The following ZBTB1 variants were observed in gnomAD, a reference collection of about 807,000 sequenced individuals.
ZBTB1 encodes zinc finger and BTB domain-containing protein 1.
In ZBTB1, 13 loss-of-function variants were observed where a neutral mutation model predicts 51.6. That is an observed-to-expected ratio of 0.25 (90% confidence interval 0.16 to 0.40). The LOEUF (loss-of-function observed/expected upper bound fraction) is 0.40, where lower values mean the gene tolerates loss of function less well. ZBTB1 is among the 10% of genes least tolerant of loss of function. ZBTB1 has a pLI of 1.00. For synonymous variants in ZBTB1, 240 were observed against 282.2 expected (o/e 0.85, Z 1.50); for missense variants, 567 against 856.5 (o/e 0.66, Z 4.22).
downstream of ZBTB1, among the ~76,000 whole-genome samples, chr14:64,526,786 A>G (rs1484808796): frequency 6.6e-6 from 1 of 152,166 alleles, no homozygotes; most frequent in African/African-American, 2.4e-5. Context: ...TTGCATCTGT[A>G]GTTCCGGCTA....
At chr14:64,526,236 AAGTTAAAGAC>A (rs2079903156), downstream of ZBTB1, among the ~76,000 whole-genome samples, 1 of 152,204 alleles carries the variant, frequency 6.6e-6, no homozygotes, top group East Asian at 1.9e-4. Flanking sequence ...TCAAGGCAAA[AAGTTAAAGAC>A]TACTTGCTTT....
rs2079860602 is a variant in ZBTB1 at position 64,521,594 on chromosome 14, T to C, written c.90T>C (p.Ile30=). 2 of 1,614,212 alleles carry C rather than the reference T, an allele frequency of 1.2e-6. No homozygotes were observed. Among genetic ancestry groups the C allele is most frequent in the Non-Finnish European group, 8.5e-7 (1 of 1,180,038 alleles). The change falls in exon 2 of 2, where the codon ATT becomes ATC. Residue 30 remains isoleucine (I), a synonymous_variant. Transcript: ENST00000683701. The part of the protein sequence containing the change: ...WGFLCDCCIA[I]DDIYFQAHKA... ...TTCTCTGTGACTGCTGTATTGCAAT[T>C]GATGACATTTACTTTCAAGCACACA... is the stretch of plus-strand genomic sequence containing the variant.
chr14:64,532,390 T>A (rs544768707), exon 3 of ZBTB1: 1 of 152,828 alleles, frequency 6.5e-6, no homozygotes, highest in East Asian at 1.9e-4. Flanking sequence ...CAAAAATCTG[T>A]AGTTTAGAGT....
Position 64,522,343 on chromosome 14 carries a change from A to T in ZBTB1, c.839A>T (p.Gln280Leu). 6.2e-7 allele frequency: 1 copy of T among 1,614,220 alleles called. No individual in the cohort carries two copies. Among genetic ancestry groups the T allele is most frequent in the Non-Finnish European group, 8.5e-7 (1 of 1,180,050 alleles). The change falls in exon 2 of 2, where the codon CAG becomes CTG. Residue 280 changes from glutamine to leucine, a missense_variant. Coordinates refer to ENST00000683701, the MANE Select transcript of ZBTB1 (RefSeq NM_001123329.2). ...GATTCTTCCAAAACATTTTCTGCACAGACGGACAAATACAGAGGAGACACA... is the reference window on the plus strand; with the variant it reads ...GATTCTTCCAAAACATTTTCTGCACTGACGGACAAATACAGAGGAGACACA... ...EKDSSKTFSA[Q>L]TDKYRGDTSQ...
Position 64,521,752 on chromosome 14 carries a change from A to G in ZBTB1, c.248A>G (p.Tyr83Cys). Reference sequence around the variant, plus strand: ...TTTGATCTCATTTTGCAGTTTATGTATTTAGGAAAAATTATGACAGCTCCC... The same window carrying G: ...TTTGATCTCATTTTGCAGTTTATGTGTTTAGGAAAAATTATGACAGCTCCC... ...ECFDLILQFMYLGKIMTAPSS... is the reference protein window; with the variant it reads ...ECFDLILQFMCLGKIMTAPSS... Residue 83 changes from tyrosine (Y) to cysteine (C), a missense_variant, in exon 2 of 2, where the codon TAT becomes TGT. Tyr to Cys is a radical substitution (Grantham distance 194). Coordinates refer to ENST00000683701, the MANE Select transcript of ZBTB1 (RefSeq NM_001123329.2). 6.2e-7 allele frequency: 1 copy of G among 1,613,188 alleles called. No homozygotes were observed. The highest frequency in any genetic ancestry group is 8.5e-7 in the Non-Finnish European group (1 of 1,180,036).
In ZBTB1 at chr14:64,522,883, G is replaced by A; in HGVS notation, c.1379G>A (p.Gly460Asp). 6.2e-7 allele frequency: 1 copy of A among 1,614,152 alleles called. No homozygotes were observed. Among genetic ancestry groups the A allele is most frequent in the Non-Finnish European group, 8.5e-7 (1 of 1,180,016 alleles). ...AAATGTGGACAAATACTTGTAAAGG[G>A]TAGGCAGCTTCAGGAACATGCTCAA... is the stretch of plus-strand genomic sequence containing the variant. ...CGKCGQILVK[G>D]RQLQEHAQRC... Residue 460 changes from glycine to aspartate, a missense_variant, in exon 2 of 2, where the codon GGT (glycine) becomes GAT (aspartate). Physicochemically the swap from Gly to Asp is moderately conservative, Grantham distance 94. Around this residue, in one of 5 missense-constraint regions of ZBTB1, gnomAD observed 329 missense variants for 406.3 expected, o/e 0.81. Transcript: ENST00000683701.
chr14:64,505,056 G>T (rs1005753630), intron 1 of ZBTB1, 110 bp downstream of exon 1: 1 of 372,480 alleles, frequency 2.7e-6, no homozygotes, highest in African/African-American at 2.1e-5. Context: ...GATCCGTGCG[G>T]GGAGCCGGAG....
rs966117980 is a variant in ZBTB1 at position 64,524,682 on chromosome 14, AT to A, written c.*1037del. 46 of 985,004 alleles carry A rather than the reference AT, an allele frequency of 4.7e-5. No homozygotes were observed. Among genetic ancestry groups the A allele is most frequent in the Middle Eastern group, 5.2e-4 (1 of 1,936 alleles). The allele number at this position is 985,004 out of a possible 1,614,324, so 61.0% of individuals were successfully genotyped here. Reference sequence around the variant, plus strand: ...CTATAAAAGTAGAGTGCACAAAAAAATGTCTTGTGTTTTATACTGTCTAAGA... The same window carrying A: ...CTATAAAAGTAGAGTGCACAAAAAAAGTCTTGTGTTTTATACTGTCTAAGA... On this transcript the variant is annotated 3_prime_UTR_variant, in exon 2 of 2. Coordinates refer to ENST00000683701, the MANE Select transcript of ZBTB1 (RefSeq NM_001123329.2).
chr14:64,510,794 T>C (rs984419275), intron 1 of ZBTB1, among the ~76,000 whole-genome samples: 1 of 152,184 alleles, frequency 6.6e-6, no homozygotes, highest in African/African-American at 2.4e-5. Flanking sequence ...TGTGATATGA[T>C]TTTTCTTCTT....
rs1282701503 is a variant in ZBTB1, at chr14:64,524,372, A to G, written c.*726A>G. 1.1e-6 allele frequency: 1 copy of G among 875,850 alleles called. No homozygotes were observed. The highest frequency in any genetic ancestry group is 1.4e-6 in the Non-Finnish European group (1 of 730,440). The allele number at this position is 875,850 out of a possible 1,614,324, so 54.3% of individuals were successfully genotyped here. A position where few individuals can be genotyped will look rare whatever the true frequency, so the allele number is the denominator to read the frequency against. On this transcript the variant is annotated 3_prime_UTR_variant, in exon 2 of 2. Coordinates refer to ENST00000683701, the MANE Select transcript of ZBTB1 (RefSeq NM_001123329.2). ...CTTGAAAAATTAGTGGGGATAAGCC[A>G]TTTTGTTTTGTGATATTAAATTTAA...
At chr14:64,533,531 T>C (rs976077570) in exon 3 of ZBTB1, 8 of 152,582 alleles carry the variant, frequency 5.2e-5, no homozygotes, top group Non-Finnish European at 1.2e-4. Context: ...TGTAATGAAT[T>C]ATAATAATTA....
Position 64,522,792 on chromosome 14 carries a change from A to G in ZBTB1, c.1288A>G (p.Ile430Val), listed in dbSNP as rs201881548. ...NASCELCGLT[I>V]TEEDLSSHYL... is the part of the protein sequence containing the mutation. ...ATCTTGTGAGCTGTGTGGACTTACA[A>G]TAACCGAGGAGGACCTGTCATCTCA... Residue 430 changes from isoleucine (I) to valine (V), a missense_variant, in exon 2 of 2, where the codon ATA becomes GTA. By Grantham distance (29) the Ile-to-Val change is conservative. This residue lies in a region of ZBTB1 where 329 missense variants were observed against 406.3 expected (regional missense o/e 0.81). Coordinates refer to ENST00000683701, the MANE Select transcript of ZBTB1 (RefSeq NM_001123329.2). 19 of 1,614,214 alleles carry G rather than the reference A, an allele frequency of 1.2e-5. No homozygotes were observed. The highest frequency in any genetic ancestry group is 8.9e-5 in the East Asian group (4 of 44,886).
downstream of ZBTB1, among the ~76,000 whole-genome samples, chr14:64,527,154 AT>A (rs200286108): frequency 4.3e-3 from 646 of 151,292 alleles, 7 homozygotes; most frequent in South Asian, 0.019. Flanking sequence ...GGGGCTAATA[AT>A]TTAAAAAAAA....
Position 64,522,687 on chromosome 14 carries a change from A to C in ZBTB1, c.1183A>C (p.Ser395Arg), listed in dbSNP as rs1566635845. ...AACTCTAAAACCTCGAATGTCAGTAAGTGCTGATGAAAGAGGTGGTTTAGA... is the reference window on the plus strand; with the variant it reads ...AACTCTAAAACCTCGAATGTCAGTACGTGCTGATGAAAGAGGTGGTTTAGA... The part of the protein sequence containing the change: ...RKTLKPRMSV[S>R]ADERGGLENM... Residue 395 changes from serine to arginine, a missense_variant, in exon 2 of 2, where the codon AGT (serine) becomes CGT (arginine). Physicochemically the swap from Ser to Arg is moderately radical, Grantham distance 110. Transcript: ENST00000683701. The C allele has an allele frequency of 6.2e-7, 1 of 1,614,200 alleles. No individual in the cohort carries two copies. Among genetic ancestry groups the C allele is most frequent in the Non-Finnish European group, 8.5e-7 (1 of 1,180,016 alleles).
chr14:64,505,937 G>A (rs1413493631), intron 1 of ZBTB1, among the ~76,000 whole-genome samples: 1 of 152,192 alleles, frequency 6.6e-6, no homozygotes, highest in South Asian at 2.1e-4. Context: ...TTGAGGCAAC[G>A]TAGGATCAAT....
rs1290064915 is a variant in ZBTB1, at chr14:64,523,094, T to C, written c.1590T>C (p.Ser530=). 5.0e-6 allele frequency: 8 copies of C among 1,614,116 alleles called. No homozygotes were observed. The highest frequency in any genetic ancestry group is 5.9e-6 in the Non-Finnish European group (7 of 1,180,044). Residue 530 remains serine (S), a synonymous_variant, in exon 2 of 2, where the codon TCT becomes TCC. Transcript: ENST00000683701. The surrounding 1 kb of genome is among the most constrained non-coding windows in gnomAD (Gnocchi z 4.5). ...AAAAAAAGCAGTTATTTAAACATTCTGCCTGCCCTTTTCGATGTCCTAATT... is the reference window on the plus strand; with the variant it reads ...AAAAAAAGCAGTTATTTAAACATTCCGCCTGCCCTTTTCGATGTCCTAATT... ...SIQKKQLFKH[S]ACPFRCPNCG...
chr14:64,514,844 A>G (rs1254036491), intron 1 of ZBTB1, among the ~76,000 whole-genome samples: 1 of 152,154 alleles, frequency 6.6e-6, no homozygotes, highest in African/African-American at 2.4e-5. Context: ...GGTTATTACT[A>G]TCTGGGTGGT....
rs2079875812 is a variant in ZBTB1, at chr14:64,523,037, T to G, written c.1533T>G (p.Phe511Leu). ...TGTTTGTTGAAATGCTGGATGATTTTAGGGACAATCATTACCAGATAAACA... is the reference window on the plus strand; with the variant it reads ...TGTTTGTTGAAATGCTGGATGATTTGAGGGACAATCATTACCAGATAAACA... ...RDMFVEMLDD[F>L]RDNHYQINSI... Residue 511 changes from phenylalanine to leucine, a missense_variant, in exon 2 of 2, where the codon TTT (phenylalanine) becomes TTG (leucine). Phe to Leu is a conservative substitution (Grantham distance 22). Coordinates refer to ENST00000683701, the MANE Select transcript of ZBTB1 (RefSeq NM_001123329.2). The surrounding 1 kb of genome is among the most constrained non-coding windows in gnomAD (Gnocchi z 4.5). The G allele has an allele frequency of 6.2e-7, 1 of 1,614,226 alleles. No individual in the cohort carries two copies. Among genetic ancestry groups the G allele is most frequent in the Non-Finnish European group, 8.5e-7 (1 of 1,180,032 alleles).
intron 1 of ZBTB1, among the ~76,000 whole-genome samples, chr14:64,509,003 A>G (rs2079695043): frequency 1.3e-5 from 2 of 152,220 alleles, no homozygotes; most frequent in Admixed American, 1.3e-4. Context: ...CATTATTGGT[A>G]CCATATTGTT....
Sources: allele counts gnomAD v4.1 joint callset (sites outside exome capture counted in the v4.1 genomes callset), GRCh38; gene constraint gnomAD v4.1.1; regional missense constraint gnomAD v4.1.1; non-coding constraint Gnocchi (gnomAD v3.1); transcripts MANE v1.5; gene names NCBI Gene and HGNC (gene_info 2026-07-23, HGNC 2026-07-21).